Variants in GRK7 observed in about 807,000 individuals in gnomAD.
The protein encoded by GRK7 is rhodopsin kinase GRK7.
In GRK7, 24 loss-of-function variants were observed where a neutral mutation model predicts 34.1. The ratio of observed to expected loss-of-function variants is 0.70; its 90% CI spans 0.51 to 0.99. The LOEUF (loss-of-function observed/expected upper bound fraction) is 0.99, where lower values mean the gene tolerates loss of function less well. GRK7 is among the 50% of genes least tolerant of loss of function. The pLI, the probability that GRK7 is intolerant of heterozygous loss-of-function variation, is 0.00. For missense variants in GRK7, 644 were observed against 707.3 expected, an observed-to-expected ratio of 0.91 and a Z score of 1.02; for synonymous variants, 256 against 279.4, an observed-to-expected ratio of 0.92 and a Z score of 0.84.
At chr3:141,797,286 G>C (rs1710897073) in intron 4 of GRK7, among the ~76,000 whole-genome samples, 1 of 152,214 alleles carries the variant, frequency 6.6e-6, no homozygotes. Flanking sequence ...GCCAGGGGCA[G>C]GAGCGGCCTC....
rs1303113827 is a variant in GRK7 at position 141,818,963 on chromosome 3, T to C, written c.*1913T>C. Among the ~76,000 whole-genome samples, 2 of 152,232 alleles carry C rather than the reference T, an allele frequency of 1.3e-5. No homozygotes were observed. The highest frequency in any genetic ancestry group is 3.8e-4 in the East Asian group (2 of 5,204). On this transcript the variant is annotated 3_prime_UTR_variant, in exon 6 of 6. Coordinates refer to ENST00000682958, the MANE Select transcript of GRK7 (RefSeq NM_139209.3). ...TCCCGCTCCTCCTCCATCCTCAGCATGCTCCCTAATGCTCCAAATCCTAAC... is the reference window on the plus strand; with the variant it reads ...TCCCGCTCCTCCTCCATCCTCAGCACGCTCCCTAATGCTCCAAATCCTAAC...
In GRK7 at chr3:141,778,407, G is replaced by C; in HGVS notation, c.123G>C (p.Gly41=). 6.2e-7 allele frequency: 1 copy of C among 1,612,604 alleles called. No homozygotes were observed. Among genetic ancestry groups the C allele is most frequent in the Non-Finnish European group, 8.5e-7 (1 of 1,179,706 alleles). ...GGCGGCGTAGCCTGGCCCTGCCCGG[G>C]CTGCAGGGCTGCGCGGAGCTCCGCC... ...QRRRRSLALP[G]LQGCAELRQK... The change falls in exon 3 of 6, where the codon GGG becomes GGC. Residue 41 remains glycine (G), a synonymous_variant. Coordinates refer to ENST00000682958, the MANE Select transcript of GRK7 (RefSeq NM_139209.3). The surrounding 1 kb of genome is among the most constrained non-coding windows in gnomAD (Gnocchi z 4.1).
chr3:141,814,063 ATC>A (rs1711122215), intron 5 of GRK7, among the ~76,000 whole-genome samples: 1 of 152,132 alleles, frequency 6.6e-6, no homozygotes, highest in East Asian at 1.9e-4. Context: ...ATAGTGGGGA[ATC>A]TCTGAAAGGA....
intron 4 of GRK7, among the ~76,000 whole-genome samples, chr3:141,794,360 C>T (rs891712936): frequency 6.6e-6 from 1 of 152,118 alleles, no homozygotes; most frequent in Non-Finnish European, 1.5e-5. Context: ...GGATTGGAGC[C>T]AAGTAGCCCC....
chr3:141,798,780 A>C (rs928142515), intron 4 of GRK7, among the ~76,000 whole-genome samples: 6 of 152,180 alleles, frequency 3.9e-5, no homozygotes, highest in African/African-American at 1.2e-4. Flanking sequence ...TGGGTGCTTA[A>C]AGTCTGGCGT....
chr3:141,769,198 T>C (rs1175088728), intron 1 of GRK7, among the ~76,000 whole-genome samples: 1 of 152,082 alleles, frequency 6.6e-6, no homozygotes, highest in Non-Finnish European at 1.5e-5. Context: ...TTCTTCCAGG[T>C]TTTCCCTGTC....
In GRK7 at chr3:141,801,810, A is replaced by C. The variant is rs1165989412; in HGVS notation, c.1051-5835A>C. ...GAGACAATATTGGCCATGTGTGGAT[A>C]ATTGTTGAAGCCAGGTGAAGACTAC... is the stretch of plus-strand genomic sequence containing the variant. On this transcript the variant is annotated intron_variant, in intron 4 of 5. Coordinates refer to ENST00000682958, the MANE Select transcript of GRK7 (RefSeq NM_139209.3). 3.9e-5 allele frequency among the ~76,000 whole-genome samples: 6 copies of C among 152,160 alleles called. No individual in the cohort carries two copies. In the East Asian group the frequency reaches 1.2e-3, roughly 29 times the overall value.
chr3:141,770,221 G>A (rs908390504), intron 1 of GRK7, among the ~76,000 whole-genome samples: 1 of 152,058 alleles, frequency 6.6e-6, no homozygotes, highest in Admixed American at 6.5e-5. Flanking sequence ...AAATCCAAGG[G>A]GCACATAGAG....
chr3:141,754,407 G>A, the GRK7 span, among the ~76,000 whole-genome samples: 2 of 150,910 alleles, frequency 1.3e-5, no homozygotes, highest in Non-Finnish European at 2.9e-5. Flanking sequence ...ACTTGTACTC[G>A]GTGAAGGGCT....
intron 1 of GRK7, among the ~76,000 whole-genome samples, chr3:141,767,015 A>G (rs529249386): frequency 2.4e-4 from 37 of 152,346 alleles, no homozygotes; most frequent in African/African-American, 7.9e-4. Context: ...ATGAGAATGC[A>G]GTCATTATTA....
At chr3:141,774,083 A>G (rs540001914) in intron 1 of GRK7, among the ~76,000 whole-genome samples, 2 of 152,330 alleles carry the variant, frequency 1.3e-5, no homozygotes, top group African/African-American at 4.8e-5. Context: ...AATTGAACCT[A>G]TAATTACTGT....
chr3:141,755,167 A>G, the GRK7 span, among the ~76,000 whole-genome samples: 1 of 152,180 alleles, frequency 6.6e-6, no homozygotes, highest in Admixed American at 6.5e-5. Context: ...GGTTGCTTCT[A>G]TACTTGTCCT....
At chr3:141,767,321 C>A (rs1336122187) in intron 1 of GRK7, among the ~76,000 whole-genome samples, 2 of 152,052 alleles carry the variant, frequency 1.3e-5, no homozygotes, top group Non-Finnish European at 2.9e-5. Flanking sequence ...TGGAACAGAG[C>A]TGAACTGAAT....
chr3:141,794,215 A>G (rs564540982), intron 4 of GRK7, among the ~76,000 whole-genome samples: 1 of 152,214 alleles, frequency 6.6e-6, no homozygotes, highest in Non-Finnish European at 1.5e-5. Flanking sequence ...AAAGACACAA[A>G]TTCAAAGATA....
chr3:141,756,179 G>GT, the GRK7 span, among the ~76,000 whole-genome samples: 1 of 152,098 alleles, frequency 6.6e-6, no homozygotes, highest in Non-Finnish European at 1.5e-5. Flanking sequence ...AGGTGTGGTG[G>GT]TGCATGCCTG....
chr3:141,815,413 A>T (rs1188836370), intron 5 of GRK7, among the ~76,000 whole-genome samples: 1 of 152,154 alleles, frequency 6.6e-6, no homozygotes, highest in Non-Finnish European at 1.5e-5. Flanking sequence ...AGACCAGGAA[A>T]TATATTCACA....
intron 4 of GRK7, among the ~76,000 whole-genome samples, chr3:141,805,686 T>G (rs572042455): frequency 6.6e-6 from 1 of 152,342 alleles, no homozygotes; most frequent in East Asian, 1.9e-4. Flanking sequence ...TCATGTTTTT[T>G]CTTGTTGTGA....
In GRK7 at chr3:141,778,443, C is replaced by A; in HGVS notation, c.159C>A (p.Ser53=). The A allele has an allele frequency of 6.2e-7, 1 of 1,613,082 alleles. No individual in the cohort carries two copies. The highest frequency in any genetic ancestry group is 1.1e-5 in the South Asian group (1 of 91,086). ...GCGCGGAGCTCCGCCAGAAGCTGTCCCTGAACTTCCACAGCCTGTGTGAGC... is the reference window on the plus strand; with the variant it reads ...GCGCGGAGCTCCGCCAGAAGCTGTCACTGAACTTCCACAGCCTGTGTGAGC... ...QGCAELRQKL[S]LNFHSLCEQQ... is the part of the protein sequence containing the mutation. The change falls in exon 3 of 6, where the codon TCC becomes TCA. Residue 53 remains serine (S), a synonymous_variant. Transcript: ENST00000682958. This position sits in a 1 kb window ranked among gnomAD's most constrained non-coding sequence, Gnocchi z 4.1.
chr3:141,783,735 A>G (rs138781169), intron 4 of GRK7, among the ~76,000 whole-genome samples: 242 of 152,218 alleles, frequency 1.6e-3, no homozygotes, highest in Middle Eastern at 3.4e-3. Flanking sequence ...GCGGGTTTAG[A>G]TGCTGAGGCA....
Sources: allele counts gnomAD v4.1 joint callset (sites outside exome capture counted in the v4.1 genomes callset), GRCh38; gene constraint gnomAD v4.1.1; non-coding constraint Gnocchi (gnomAD v3.1); transcripts MANE v1.5; gene names NCBI Gene and HGNC (gene_info 2026-07-23, HGNC 2026-07-21).